Variants in CDH12 observed in about 807,000 individuals in gnomAD.
CDH12 encodes the protein cadherin 12.
CDH12 carries 41 observed loss-of-function variants against 74.1 expected under a neutral mutation model. That is an observed-to-expected ratio of 0.55 (90% CI 0.43 to 0.72). CDH12 has a LOEUF of 0.72. Among genes scored for constraint, CDH12 ranks in the 30% least tolerant of loss-of-function variants. The pLI is 0.00. For missense variants in CDH12, 945 were observed against 977.2 expected, an observed-to-expected ratio of 0.97 and a Z score of 0.44; for synonymous variants, 399 against 355.0, an observed-to-expected ratio of 1.12 and a Z score of -1.39.
chr5:22,463,503 G>T (rs562690444), intron 2 of CDH12, among the ~76,000 whole-genome samples: 1 of 152,056 alleles, frequency 6.6e-6, no homozygotes, highest in African/African-American at 2.4e-5. Flanking sequence ...ACATAAAAAT[G>T]TCTAGTACTA....
chr5:22,161,703 GA>G (rs1748364272), intron 4 of CDH12, among the ~76,000 whole-genome samples: 1 of 146,744 alleles, frequency 6.8e-6, no homozygotes, highest in African/African-American at 2.5e-5. Flanking sequence ...AGGAAGGAAG[GA>G]AAGAAGGAAA....
chr5:22,815,055 A>G (rs140017743), intron 1 of CDH12, among the ~76,000 whole-genome samples: 1 of 152,302 alleles, frequency 6.6e-6, no homozygotes, highest in Non-Finnish European at 1.5e-5. Flanking sequence ...CATAGAAGAG[A>G]GGGTTCAACT....
intron 3 of CDH12, among the ~76,000 whole-genome samples, chr5:22,269,222 A>G (rs75177083): frequency 0.025 from 3,854 of 152,260 alleles, 69 homozygotes; most frequent in African/African-American, 0.052. Context: ...GGCTAAAAAT[A>G]AAATAACATT....
In CDH12 at chr5:22,494,308, G is replaced by A. The variant is rs556706855; in HGVS notation, c.-428+10962C>T. Among the ~76,000 whole-genome samples, 408 of 152,252 alleles carry A rather than the reference G, an allele frequency of 2.7e-3. 2 individuals carry two copies. The highest frequency in any genetic ancestry group is 7.9e-3 in the South Asian group (38 of 4,822). On this transcript the variant is annotated intron_variant, in intron 2 of 14. Coordinates refer to ENST00000382254, the MANE Select transcript of CDH12 (RefSeq NM_004061.5). ...ATTAGGTGAATCGGTGTGTCTAAACGGTCCTGGTGTGAGTGGGTGTGGATG... is the reference window on the plus strand; with the variant it reads ...ATTAGGTGAATCGGTGTGTCTAAACAGTCCTGGTGTGAGTGGGTGTGGATG...
At chr5:22,732,342 T>C (rs1320501797) in intron 1 of CDH12, among the ~76,000 whole-genome samples, 1 of 151,794 alleles carries the variant, frequency 6.6e-6, no homozygotes, top group Non-Finnish European at 1.5e-5. Context: ...ATCACCATTT[T>C]CAAGACCTTG....
At chr5:22,745,859 C>A (rs1375485241) in intron 1 of CDH12, among the ~76,000 whole-genome samples, 1 of 152,034 alleles carries the variant, frequency 6.6e-6, no homozygotes, top group African/African-American at 2.4e-5. Context: ...CAGCAAACCA[C>A]CATGACACAT....
intron 5 of CDH12, among the ~76,000 whole-genome samples, chr5:22,039,797 A>G (rs1450289226): frequency 6.6e-6 from 1 of 152,136 alleles, no homozygotes; most frequent in Non-Finnish European, 1.5e-5. Flanking sequence ...CTTTCCAACC[A>G]GCACACCAAG....
At chr5:21,786,215 A>G (rs968875770) in intron 10 of CDH12, among the ~76,000 whole-genome samples, 5 of 152,096 alleles carry the variant, frequency 3.3e-5, no homozygotes, top group African/African-American at 1.2e-4. Flanking sequence ...GTGCAATGGT[A>G]TGATCTCAGC....
At position 22,511,027 on chromosome 5, in the gene CDH12, T is replaced by C. The variant is rs1347214450; in HGVS notation, c.-522-5663A>G. Among the ~76,000 whole-genome samples the C allele has an allele frequency of 3.3e-5, 5 of 152,048 alleles. No individual in the cohort carries two copies. The East Asian group carries it at 9.7e-4, about 29-fold the overall frequency. ...CTCCTGCCTCAGCCTCCTAAGTAGC[T>C]GGGATTACAGACACCCACCACCATG... On this transcript the variant is annotated intron_variant, in intron 1 of 14. Transcript: ENST00000382254.
chr5:22,173,397 T>C lies in CDH12; in HGVS notation c.-187+39101A>G, dbSNP rs1749152540. Among the ~76,000 whole-genome samples, 3 of 80,022 alleles carry C rather than the reference T, an allele frequency of 3.7e-5. No homozygotes were observed. In the East Asian group the frequency reaches 7.9e-4, roughly 21 times the overall value. The allele number at this position is 80,022 out of a possible 152,430, so 52.5% of individuals were successfully genotyped here. A position where few individuals can be genotyped will look rare whatever the true frequency, so the allele number is the denominator to read the frequency against. ...ATACACTTTTATATAATATAAATAT[T>C]AATAAATATTAATAAATATTAAATA... On this transcript the variant is annotated intron_variant, in intron 4 of 14. Coordinates refer to ENST00000382254, the MANE Select transcript of CDH12 (RefSeq NM_004061.5).
chr5:22,759,788 A>C (rs992975876), intron 1 of CDH12, among the ~76,000 whole-genome samples: 1 of 152,210 alleles, frequency 6.6e-6, no homozygotes, highest in Non-Finnish European at 1.5e-5. Flanking sequence ...CATTTATTTT[A>C]AGAAGTTGGC....
At chr5:22,463,401 T>C (rs1158380830) in intron 2 of CDH12, among the ~76,000 whole-genome samples, 1 of 152,162 alleles carries the variant, frequency 6.6e-6, no homozygotes, top group African/African-American at 2.4e-5. Context: ...TGTATAAAAA[T>C]GTTTTATAAT....
At chr5:21,938,978 T>G (rs1755205371) in intron 6 of CDH12, among the ~76,000 whole-genome samples, 1 of 150,706 alleles carries the variant, frequency 6.6e-6, no homozygotes, top group Admixed American at 6.6e-5. Context: ...CAAAGATGTA[T>G]ATTGAAAGCT....
intron 1 of CDH12, among the ~76,000 whole-genome samples, chr5:22,554,476 A>G (rs1008005696): frequency 1.3e-5 from 2 of 152,176 alleles, no homozygotes; most frequent in African/African-American, 4.8e-5. Context: ...GCTCTAAAAA[A>G]TAAAGTCTAT....
Position 22,303,890 on chromosome 5 carries a change from G to A in CDH12, c.-332-91247C>T, listed in dbSNP as rs370100045. On this transcript the variant is annotated intron_variant, in intron 3 of 14. Transcript: ENST00000382254. ...ATGATAGCTCAGAGATCATTCCACCGCACCATGGTGATACCATAAGATTCA... is the reference window on the plus strand; with the variant it reads ...ATGATAGCTCAGAGATCATTCCACCACACCATGGTGATACCATAAGATTCA... Among the ~76,000 whole-genome samples, 18 of 152,016 alleles carry A rather than the reference G, an allele frequency of 1.2e-4. No individual in the cohort carries two copies. The South Asian group carries it at 3.3e-3, about 28-fold the overall frequency.
chr5:21,933,006 T>C (rs7447008), intron 6 of CDH12, among the ~76,000 whole-genome samples: 1 of 150,494 alleles, frequency 6.6e-6, no homozygotes, highest in Non-Finnish European at 1.5e-5. Context: ...CTATTTTCAA[T>C]TGTAGAGAAA....
Position 22,212,537 on chromosome 5 carries a change from G to C in CDH12, c.-226C>G. The C allele has an allele frequency of 1.0e-6, 1 of 985,214 alleles. No individual in the cohort carries two copies. The highest frequency in any genetic ancestry group is 1.1e-4 in the East Asian group (1 of 8,794). The allele number at this position is 985,214 out of a possible 1,614,324, so 61.0% of individuals were successfully genotyped here. On this transcript the variant is annotated 5_prime_UTR_variant, in exon 4 of 15. Transcript: ENST00000382254. ...TCTCTGTGAACGAGGTGAGAAATCC[G>C]TCAAATCAACCGTGAATGGGGTGGG...
chr5:22,240,350 G>A (rs1031384150), intron 3 of CDH12, among the ~76,000 whole-genome samples: 1 of 152,032 alleles, frequency 6.6e-6, no homozygotes, highest in East Asian at 1.9e-4. Context: ...ATGTCCTTAT[G>A]TTTTAATATG....
At chr5:22,356,664 T>A (rs1460491044) in intron 3 of CDH12, among the ~76,000 whole-genome samples, 1 of 152,134 alleles carries the variant, frequency 6.6e-6, no homozygotes, top group Non-Finnish European at 1.5e-5. Context: ...CAGGTCATAT[T>A]GCTAATTAGT....
Sources: gnomAD v4.1 joint callset for allele counts (sites outside exome capture counted in the v4.1 genomes callset) on GRCh38, gnomAD v4.1.1 for gene constraint, MANE v1.5 for transcripts, NCBI Gene and HGNC (gene_info 2026-07-23, HGNC 2026-07-21) for gene names.